The following TBL1XR1 variants were observed in gnomAD, a reference collection of about 807,000 sequenced individuals.
TBL1XR1 encodes the protein F-box-like/WD repeat-containing protein TBL1XR1.
TBL1XR1 carries 5 observed loss-of-function variants against 66.9 expected under a neutral mutation model. The observed-to-expected ratio is 0.07, with a 90% CI of 0.04 to 0.16. The LOEUF (loss-of-function observed/expected upper bound fraction) is 0.16. Ranked by LOEUF, TBL1XR1 falls within the 10% of genes least tolerant of loss-of-function variation. The probability of loss-of-function intolerance (pLI) is 1.00; values close to 1 mark genes in which losing one functional copy is unlikely to be tolerated. For missense variants in TBL1XR1, 238 were observed against 623.2 expected, an observed-to-expected ratio of 0.38 and a Z score of 6.58; for synonymous variants, 210 against 206.0, an observed-to-expected ratio of 1.02 and a Z score of -0.17.
chr3:177,179,091 T>C (rs1577400327), intron 1 of TBL1XR1, among the ~76,000 whole-genome samples: 1 of 131,284 alleles, frequency 7.6e-6, no homozygotes, highest in Non-Finnish European at 1.5e-5. Context: ...CACTCCAGCC[T>C]GGGCAACAAG....
At chr3:177,097,874 C>CT (rs964097192) in intron 2 of TBL1XR1, among the ~76,000 whole-genome samples, 33 of 152,252 alleles carry the variant, frequency 2.2e-4, no homozygotes, top group African/African-American at 7.0e-4. Flanking sequence ...ATTTTTCATC[C>CT]TGATGACCGT....
chr3:177,055,742 G>C (rs1010403574), intron 3 of TBL1XR1, among the ~76,000 whole-genome samples: 4 of 152,060 alleles, frequency 2.6e-5, no homozygotes, highest in African/African-American at 9.7e-5. Flanking sequence ...GGAGATTCCT[G>C]TTTTCAATTA....
chr3:177,190,761 A>G (rs566732511), intron 1 of TBL1XR1, among the ~76,000 whole-genome samples: 65 of 152,300 alleles, frequency 4.3e-4, no homozygotes, highest in African/African-American at 1.5e-3. Context: ...ATGCTGCCAC[A>G]TTACAGTGGA....
At chr3:177,055,602 A>G (rs748632487) in intron 3 of TBL1XR1, among the ~76,000 whole-genome samples, 1 of 152,036 alleles carries the variant, frequency 6.6e-6, no homozygotes, top group Non-Finnish European at 1.5e-5. Flanking sequence ...AATTGTCCCT[A>G]TCAGGAAGCC....
chr3:177,077,491 A>G lies in TBL1XR1; in HGVS notation c.-45-12469T>C, dbSNP rs1220305308. On this transcript the variant is annotated intron_variant, in intron 2 of 15. Transcript: ENST00000457928. The stretch of plus-strand genomic sequence containing the variant: ...GAAGCTTTAAAAATCTACACGTTCT[A>G]AAATGTATCCAACACCTCTTACAGC... 2.0e-5 allele frequency among the ~76,000 whole-genome samples: 3 copies of G among 152,210 alleles called. No individual in the cohort carries two copies. The East Asian group carries it at 5.8e-4, about 29-fold the overall frequency.
chr3:177,118,967 G>T (rs1182650139), intron 1 of TBL1XR1, among the ~76,000 whole-genome samples: 1 of 151,724 alleles, frequency 6.6e-6, no homozygotes, highest in East Asian at 1.9e-4. Context: ...GGATAATCAG[G>T]TTTTTTTTGT....
In TBL1XR1 at chr3:177,071,117, G is replaced by A. The variant is rs946549210; in HGVS notation, c.-45-6095C>T. On this transcript the variant is annotated intron_variant, in intron 2 of 15. Transcript: ENST00000457928. Reference sequence around the variant, plus strand: ...GCGATCTCGGCTCACTGCAAGCTCCGCCTCCCAGGTTCACGCCATTCTACT... The same window carrying A: ...GCGATCTCGGCTCACTGCAAGCTCCACCTCCCAGGTTCACGCCATTCTACT... Among the ~76,000 whole-genome samples the A allele has an allele frequency of 4.3e-5, 6 of 140,516 alleles. No individual in the cohort carries two copies. The South Asian group carries it at 1.4e-3, about 32-fold the overall frequency. The allele number at this position is 140,516 out of a possible 152,430, so 92.2% of individuals were successfully genotyped here.
chr3:177,145,483 G>A (rs759128178), intron 1 of TBL1XR1, among the ~76,000 whole-genome samples: 2 of 151,824 alleles, frequency 1.3e-5, no homozygotes, highest in Non-Finnish European at 2.9e-5. Context: ...CTCAAAGTTC[G>A]CAGACCCTCT....
chr3:177,106,083 GT>G (rs1724848955), intron 1 of TBL1XR1, among the ~76,000 whole-genome samples: 1 of 151,902 alleles, frequency 6.6e-6, no homozygotes, highest in Non-Finnish European at 1.5e-5. Flanking sequence ...GAACAGAAAA[GT>G]AAGGACAATG....
intron 3 of TBL1XR1, among the ~76,000 whole-genome samples, chr3:177,054,658 T>C (rs183094966): frequency 3.7e-4 from 56 of 152,246 alleles, no homozygotes; most frequent in African/African-American, 1.3e-3. Flanking sequence ...AAAAATAAAT[T>C]CAAATATTAA....
At chr3:177,035,515 G>A (rs866555262) in intron 12 of TBL1XR1, among the ~76,000 whole-genome samples, 1 of 150,276 alleles carries the variant, frequency 6.7e-6, no homozygotes, top group South Asian at 2.1e-4. Flanking sequence ...CCGGGTTCAC[G>A]CAATTCTCCT....
At chr3:177,198,236 T>G (rs1194423284), upstream of TBL1XR1, among the ~76,000 whole-genome samples, 4 of 152,052 alleles carry the variant, frequency 2.6e-5, no homozygotes, top group Non-Finnish European at 4.4e-5. Flanking sequence ...CAAGAAAAGG[T>G]TTTTGATACT....
At chr3:177,032,907 T>C in intron 14 of TBL1XR1, 64 bp downstream of exon 14, 1 of 1,326,514 alleles carries the variant, frequency 7.5e-7, no homozygotes, top group Non-Finnish European at 9.9e-7. Flanking sequence ...TGAGGCAGAG[T>C]GTATAGGCAA....
chr3:177,051,398 ATGAG>A, intron 5 of TBL1XR1, 102 bp downstream of exon 5: 1 of 983,246 alleles, frequency 1.0e-6, no homozygotes, highest in South Asian at 1.8e-5. Flanking sequence ...CCCCTGTGAT[ATGAG>A]TTCATCTATA....
In TBL1XR1 at chr3:177,153,897, AG is replaced by A. The variant is rs1731192602; in HGVS notation, c.-122+43223del. Among the ~76,000 whole-genome samples the A allele has an allele frequency of 3.3e-5, 5 of 150,730 alleles. 1 individual carries two copies. In the South Asian group the frequency reaches 1.0e-3, roughly 31 times the overall value. Reference sequence around the variant, plus strand: ...CATCTCAAAAAAAAAAAAAAAAAAAAGTATGGAACAAGTGAACTGCAGGGTA... The same window carrying A: ...CATCTCAAAAAAAAAAAAAAAAAAAATATGGAACAAGTGAACTGCAGGGTA... On this transcript the variant is annotated intron_variant, in intron 1 of 15. Coordinates refer to ENST00000457928, the MANE Select transcript of TBL1XR1 (RefSeq NM_024665.7).
chr3:177,047,805 T>C (rs1019566478), intron 7 of TBL1XR1: 1 of 427,530 alleles, frequency 2.3e-6, no homozygotes, highest in African/African-American at 2.0e-5. Flanking sequence ...AGGATCTACA[T>C]CACCCCACCT....
At chr3:177,080,964 G>GT (rs1211062172) in intron 2 of TBL1XR1, among the ~76,000 whole-genome samples, 1 of 152,138 alleles carries the variant, frequency 6.6e-6, no homozygotes, top group Non-Finnish European at 1.5e-5. Flanking sequence ...ACCAGTAAAC[G>GT]TATCTCTACA....
chr3:177,071,033 T>TTTTTTTTTTTG (rs1302847861), intron 2 of TBL1XR1, among the ~76,000 whole-genome samples: 2 of 109,148 alleles, frequency 1.8e-5, no homozygotes, highest in East Asian at 4.8e-4. Flanking sequence ...GAGAATCTGT[T>TTTTTTTTTTTG]TTTTTTTTTT....
chr3:177,195,873 G>A (rs558826966), intron 1 of TBL1XR1, among the ~76,000 whole-genome samples: 1 of 152,180 alleles, frequency 6.6e-6, no homozygotes, highest in East Asian at 1.9e-4. Context: ...AAATCACATA[G>A]GTACTAAAAC....
Sources: gnomAD v4.1 joint callset for allele counts (sites outside exome capture counted in the v4.1 genomes callset) on GRCh38, gnomAD v4.1.1 for gene constraint, MANE v1.5 for transcripts, NCBI Gene and HGNC (gene_info 2026-07-23, HGNC 2026-07-21) for gene names.